Variants in KIF5C observed in about 807,000 individuals in gnomAD.
KIF5C encodes kinesin family member 5C, also known as kinesin heavy chain isoform 5C.
A neutral mutation model predicts 125.2 loss-of-function variants in KIF5C; 18 were observed. That is an observed-to-expected ratio of 0.14 (90% CI 0.10 to 0.21). KIF5C has a LOEUF of 0.21. KIF5C is among the 10% of genes least tolerant of loss of function. The pLI is 1.00. For missense variants in KIF5C, 780 were observed against 1,183.8 expected (o/e 0.66, Z 5.01); for synonymous variants, 405 against 434.0 (o/e 0.93, Z 0.83).
intron 17 of KIF5C, among the ~76,000 whole-genome samples, chr2:148,995,253 G>A (rs1425299921): frequency 6.6e-6 from 1 of 152,188 alleles, no homozygotes; most frequent in East Asian, 1.9e-4. Flanking sequence ...CATCCTGAGG[G>A]ATGATTCTAA....
At chr2:148,979,619 C>T (rs1681177380) in intron 13 of KIF5C, among the ~76,000 whole-genome samples, 1 of 152,162 alleles carries the variant, frequency 6.6e-6, no homozygotes, top group Non-Finnish European at 1.5e-5. Flanking sequence ...ATGCTGTGAC[C>T]TGTTGTTTGA....
At chr2:148,970,001 TCTCCGTTG>T (rs1680856799) in intron 11 of KIF5C, among the ~76,000 whole-genome samples, 1 of 152,182 alleles carries the variant, frequency 6.6e-6, no homozygotes, top group African/African-American at 2.4e-5. Context: ...GCTTTGTTCT[TCTCCGTTG>T]AAATGGCTGC....
intron 1 of KIF5C, among the ~76,000 whole-genome samples, chr2:148,918,411 A>T (rs1681646713): frequency 6.6e-6 from 1 of 152,178 alleles, no homozygotes; most frequent in Non-Finnish European, 1.5e-5. Context: ...GTGGTTAATT[A>T]GATTGATTGA....
intron 23 of KIF5C, among the ~76,000 whole-genome samples, chr2:149,009,934 T>G (rs1682132780): frequency 2.6e-5 from 4 of 152,190 alleles, no homozygotes; most frequent in Admixed American, 2.6e-4. Flanking sequence ...ACCCCACCGT[T>G]CCTTGCACCC....
chr2:148,902,249 C>T (rs1680934834), intron 1 of KIF5C, among the ~76,000 whole-genome samples: 1 of 152,178 alleles, frequency 6.6e-6, no homozygotes, highest in Non-Finnish European at 1.5e-5. Context: ...GGTTCCATTT[C>T]TTTGAGTCCT....
intron 25 of KIF5C, 133 bp downstream of exon 25, chr2:149,011,816 A>T: frequency 7.9e-7 from 1 of 1,258,550 alleles, no homozygotes. Flanking sequence ...TGGGGGTTCC[A>T]GGTAAACAGA....
At chr2:148,886,648 G>C (rs1013517299) in intron 1 of KIF5C, among the ~76,000 whole-genome samples, 6 of 152,284 alleles carry the variant, frequency 3.9e-5, no homozygotes, top group African/African-American at 1.4e-4. Context: ...ATGTCATCAT[G>C]ATAGCATCAA....
chr2:148,903,073 G>T (rs1679665530), intron 1 of KIF5C, among the ~76,000 whole-genome samples: 1 of 152,278 alleles, frequency 6.6e-6, no homozygotes, highest in East Asian at 1.9e-4. Context: ...TGTGGCTGAA[G>T]AGTGATGTCT....
At chr2:148,886,589 A>C (rs1324559379) in intron 1 of KIF5C, among the ~76,000 whole-genome samples, 5 of 152,132 alleles carry the variant, frequency 3.3e-5, no homozygotes, top group African/African-American at 7.2e-5. Flanking sequence ...CCCACCCAGC[A>C]TGGAAGAGGC....
intron 1 of KIF5C, among the ~76,000 whole-genome samples, chr2:148,902,596 C>T (rs1161177926): frequency 6.6e-6 from 1 of 152,216 alleles, no homozygotes; most frequent in African/African-American, 2.4e-5. Context: ...GGATTACAGG[C>T]ATGAGCCACT....
intron 15 of KIF5C, among the ~76,000 whole-genome samples, chr2:148,989,807 T>C (rs1031467569): frequency 2.6e-5 from 4 of 152,240 alleles, no homozygotes; most frequent in Admixed American, 6.5e-5. Context: ...GTAAGGTTGA[T>C]GCCAAACTAC....
chr2:149,017,754 A>G (rs2105210601), intron 25 of KIF5C, among the ~76,000 whole-genome samples: 1 of 152,326 alleles, frequency 6.6e-6, no homozygotes, highest in South Asian at 2.1e-4. Context: ...GATTTAAATT[A>G]TTTTATTATA....
At chr2:148,897,918 CAAAAAAAAAAAAAAAAAAAAAAAAA>C (rs55762538) in intron 1 of KIF5C, among the ~76,000 whole-genome samples, 6 of 20,424 alleles carry the variant, frequency 2.9e-4, no homozygotes, top group African/African-American at 1.4e-3. Flanking sequence ...GACTCAGTCT[CAAAAAAAAAAAAAAAAAAAAAAAAA>C]AAAAAAAAAA....
intron 1 of KIF5C, among the ~76,000 whole-genome samples, chr2:148,894,463 T>G (rs2105049501): frequency 1.3e-5 from 2 of 152,330 alleles, no homozygotes; most frequent in Middle Eastern, 6.8e-3. Context: ...GGACCACACT[T>G]AAAATTCTAT....
At chr2:148,880,246 A>G (rs1047876968) in intron 1 of KIF5C, among the ~76,000 whole-genome samples, 1 of 151,968 alleles carries the variant, frequency 6.6e-6, no homozygotes, top group Non-Finnish European at 1.5e-5. Flanking sequence ...TCAGCCTCCC[A>G]GGTAGCTGGG....
chr2:148,909,615 A>G (rs571950431), intron 1 of KIF5C, among the ~76,000 whole-genome samples: 2 of 152,336 alleles, frequency 1.3e-5, no homozygotes, highest in African/African-American at 4.8e-5. Flanking sequence ...AAAGATGTTT[A>G]GTTGTGTGGG....
chr2:148,901,064 A>C (rs1364779944), intron 1 of KIF5C, among the ~76,000 whole-genome samples: 1 of 152,258 alleles, frequency 6.6e-6, no homozygotes, highest in East Asian at 1.9e-4. Context: ...AGAAAGGGAC[A>C]TGATACAAGT....
chr2:148,912,864 A>T (rs1681396837), intron 1 of KIF5C, among the ~76,000 whole-genome samples: 1 of 152,174 alleles, frequency 6.6e-6, no homozygotes, highest in Non-Finnish European at 1.5e-5. Flanking sequence ...GTACCCTGGG[A>T]TGCATGAGCC....
intron 25 of KIF5C, among the ~76,000 whole-genome samples, chr2:149,012,340 G>C (rs553811330): frequency 1.5e-4 from 23 of 152,334 alleles, no homozygotes; most frequent in Middle Eastern, 3.4e-3. Context: ...GAGAAAAGAG[G>C]TTACTAGTTG....
Sources: gnomAD v4.1 joint callset for allele counts (sites outside exome capture counted in the v4.1 genomes callset) on GRCh38, gnomAD v4.1.1 for gene constraint, MANE v1.5 for transcripts, NCBI Gene and HGNC (gene_info 2026-07-23, HGNC 2026-07-21) for gene names.